Variants in CAMK2B observed in about 807,000 individuals in gnomAD.
CAMK2B encodes the protein calcium/calmodulin-dependent protein kinase type II subunit beta.
In CAMK2B, 27 loss-of-function variants were observed where a neutral mutation model predicts 93.7. The ratio of observed to expected loss-of-function variants is 0.29; its 90% confidence interval spans 0.21 to 0.40. The LOEUF is 0.40. Among genes scored for constraint, CAMK2B ranks in the 10% least tolerant of loss-of-function variants. The probability of loss-of-function intolerance (pLI) is 1.00; values close to 1 mark genes in which losing one functional copy is unlikely to be tolerated. For missense variants in CAMK2B, 568 were observed against 895.8 expected (o/e 0.63, Z 4.67); for synonymous variants, 374 against 358.8 (o/e 1.04, Z -0.48).
At chr7:44,261,158 G>A (rs894977391) in intron 3 of CAMK2B, among the ~76,000 whole-genome samples, 8 of 152,242 alleles carry the variant, frequency 5.3e-5, no homozygotes, top group Non-Finnish European at 4.4e-5. Context: ...GCCCACCAAC[G>A]TCCTGCTTCT....
rs1210182219 is a variant in CAMK2B, at chr7:44,255,726, G to A, written c.276-1119C>T. Among the ~76,000 whole-genome samples, 5 of 152,304 alleles carry A rather than the reference G, an allele frequency of 3.3e-5. No individual in the cohort carries two copies. In the East Asian group the frequency reaches 7.7e-4, roughly 24 times the overall value. ...AGCACTTGGGGCTGGGCTGGTCCATGGCAGGGAAGACCCAGGGAGTGGATC... is the reference window on the plus strand; with the variant it reads ...AGCACTTGGGGCTGGGCTGGTCCATAGCAGGGAAGACCCAGGGAGTGGATC... On this transcript the variant is annotated intron_variant, in intron 4 of 23. Coordinates refer to ENST00000395749, the MANE Select transcript of CAMK2B (RefSeq NM_001220.5).
At chr7:44,280,188 C>A (rs547614770) in intron 2 of CAMK2B, among the ~76,000 whole-genome samples, 1 of 152,180 alleles carries the variant, frequency 6.6e-6, no homozygotes, top group African/African-American at 2.4e-5. Context: ...TCTGACATGC[C>A]CCATGGTCCC....
intron 2 of CAMK2B, among the ~76,000 whole-genome samples, chr7:44,276,588 T>TC (rs1484128031): frequency 6.6e-6 from 1 of 151,484 alleles, no homozygotes; most frequent in Non-Finnish European, 1.5e-5. Flanking sequence ...GCAGGGAGTG[T>TC]CCCCCCAAGA....
rs193114221 is a variant in CAMK2B, at chr7:44,248,635, G to C, written c.342-1443C>G. On this transcript the variant is annotated intron_variant, in intron 5 of 23. Transcript: ENST00000395749. This position sits in a 1 kb window ranked among gnomAD's most constrained non-coding sequence, Gnocchi z 4.1. ...CCTTGGGGACAGGAGGGTGACCAGG[G>C]TCAGCAAGATGAGTGGGCTTTGTTT... Among the ~76,000 whole-genome samples the C allele has an allele frequency of 6.6e-6, 1 of 152,226 alleles. No homozygotes were observed. The highest frequency in any genetic ancestry group is 2.1e-4 in the South Asian group (1 of 4,832).
Position 44,234,652 on chromosome 7 carries a change from G to T in CAMK2B, c.1046C>A (p.Ala349Glu). 6.2e-7 allele frequency: 1 copy of T among 1,614,094 alleles called. No homozygotes were observed. The highest frequency in any genetic ancestry group is 8.5e-7 in the Non-Finnish European group (1 of 1,179,954). ...CTGGAGCCTCACCTTGACTCCATCT[G>T]CTTTCTTGTTGAGTAAACTCTTGGC... The part of the protein sequence containing the change: ...EQAKSLLNKK[A>E]DGVKPQTNST... Residue 349 changes from alanine (A) to glutamate (E), a missense_variant, in exon 14 of 24, where the codon GCA (alanine) becomes GAA (glutamate). Physicochemically the swap from Ala to Glu is moderately radical, Grantham distance 107. Coordinates refer to ENST00000395749, the MANE Select transcript of CAMK2B (RefSeq NM_001220.5).
intron 1 of CAMK2B, among the ~76,000 whole-genome samples, chr7:44,306,055 G>A (rs1019615075): frequency 6.6e-6 from 1 of 152,124 alleles, no homozygotes; most frequent in Admixed American, 6.5e-5. Context: ...AGGGAGGGGG[G>A]TTGAGGGTCA....
chr7:44,239,263 C>T (rs1390308187), intron 13 of CAMK2B, among the ~76,000 whole-genome samples: 1 of 70,460 alleles, frequency 1.4e-5, no homozygotes, highest in Non-Finnish European at 2.7e-5. Context: ...GCAGCAGGCC[C>T]AGTGGCTCCC....
Position 44,325,378 on chromosome 7 carries a change from T to C in CAMK2B, c.44A>G (p.Gln15Arg). The C allele has an allele frequency of 8.1e-7, 1 of 1,235,478 alleles. No homozygotes were observed. Among genetic ancestry groups the C allele is most frequent in the Non-Finnish European group, 1.0e-6 (1 of 960,300 alleles). The allele number at this position is 1,235,478 out of a possible 1,614,324, so 76.5% of individuals were successfully genotyped here. Residue 15 changes from glutamine (Q) to arginine (R), a missense_variant, in exon 1 of 24, where the codon CAG becomes CGG. Around this residue, in one of 4 missense-constraint regions of CAMK2B, gnomAD observed 39 missense variants for 43.4 expected, o/e 0.90. Coordinates refer to ENST00000395749, the MANE Select transcript of CAMK2B (RefSeq NM_001220.5). The part of the protein sequence containing the change: ...VTCTRFTDEY[Q>R]LYEDIGKGAF... Reference sequence around the variant, plus strand: ...TTACTTGCCAATATCCTCGTAGAGCTGGTACTCGTCGGTGAAGCGGGTGCA... The same window carrying C: ...TTACTTGCCAATATCCTCGTAGAGCCGGTACTCGTCGGTGAAGCGGGTGCA...
At chr7:44,230,011 T>G (rs1301260626) in intron 17 of CAMK2B, 2 of 152,536 alleles carry the variant, frequency 1.3e-5, no homozygotes, top group African/African-American at 4.8e-5. Flanking sequence ...GAGCCACAGC[T>G]GCTGGCTTCT....
intron 1 of CAMK2B, among the ~76,000 whole-genome samples, chr7:44,301,755 G>A (rs1220921732): frequency 6.6e-6 from 1 of 151,442 alleles, no homozygotes. Context: ...CCAGCCTGGT[G>A]ACAGAGCAAG....
intron 1 of CAMK2B, among the ~76,000 whole-genome samples, chr7:44,292,285 A>C (rs900675121): frequency 2.0e-5 from 3 of 152,128 alleles, no homozygotes; most frequent in Admixed American, 6.5e-5. Flanking sequence ...TCATATCTCC[A>C]ATATGACCTC....
chr7:44,228,895 C>T lies in CAMK2B; in HGVS notation c.1369G>A (p.Val457Met), dbSNP rs755307162. 6 of 1,605,408 alleles carry T rather than the reference C, an allele frequency of 3.7e-6. No individual in the cohort carries two copies. The Admixed American group carries it at 1.0e-4, about 27-fold the overall frequency. Residue 457 changes from valine to methionine, a missense_variant, in exon 19 of 24, where the codon GTG becomes ATG. This residue lies in a region of CAMK2B where 308 missense variants were observed against 292.1 expected (regional missense o/e 1.05). Transcript: ENST00000395749. ...TCTGGGGTTCCTGAACCCCTTCTCA[C>T]AGAGTTCAGGATGTCAGAGATCCTG... ...SPRISDILNS[V>M]RRGSGTPEAE... is the part of the protein sequence containing the mutation.
At chr7:44,230,522 G>A (rs1303864314) in intron 17 of CAMK2B, among the ~76,000 whole-genome samples, 1 of 152,176 alleles carries the variant, frequency 6.6e-6, no homozygotes, top group Non-Finnish European at 1.5e-5. Context: ...AGCAAGGGAG[G>A]GGGCCCTGGA....
At chr7:44,295,776 C>T (rs577652923) in intron 1 of CAMK2B, among the ~76,000 whole-genome samples, 5 of 152,290 alleles carry the variant, frequency 3.3e-5, no homozygotes, top group African/African-American at 1.2e-4. Flanking sequence ...TACAGCCCAA[C>T]CTGCTGGGGC....
At chr7:44,232,943 G>A in intron 15 of CAMK2B, 77 bp from the exon 16 acceptor site, 1 of 1,311,322 alleles carries the variant, frequency 7.6e-7, no homozygotes, top group South Asian at 1.2e-5. Context: ...CACCAGGAGG[G>A]GAACAGGGAG....
chr7:44,254,043 G>A (rs2096808018), intron 5 of CAMK2B, among the ~76,000 whole-genome samples: 1 of 152,108 alleles, frequency 6.6e-6, no homozygotes, highest in African/African-American at 2.4e-5. Context: ...GTGTCAGGGT[G>A]GCATCTGGCC....
At chr7:44,255,220 G>A (rs1011352029) in intron 4 of CAMK2B, among the ~76,000 whole-genome samples, 7 of 152,318 alleles carry the variant, frequency 4.6e-5, no homozygotes, top group African/African-American at 1.7e-4. Context: ...ACAGGCAGAA[G>A]GGAGGTCTCT....
intron 12 of CAMK2B, 87 bp downstream of exon 12, chr7:44,240,620 G>A (rs1243181299): frequency 6.9e-7 from 1 of 1,442,552 alleles, no homozygotes; most frequent in Non-Finnish European, 9.7e-7. Context: ...GAGGAGGAGT[G>A]GAGAGGCTGG....
chr7:44,284,582 G>C (rs182586626), intron 1 of CAMK2B, among the ~76,000 whole-genome samples: 1 of 152,352 alleles, frequency 6.6e-6, no homozygotes, highest in Admixed American at 6.5e-5. Context: ...GTATCCTTGT[G>C]GGTCGGCTGG....
Sources: gnomAD v4.1 joint callset for allele counts (sites outside exome capture counted in the v4.1 genomes callset) on GRCh38, gnomAD v4.1.1 for gene constraint, gnomAD v4.1.1 regional missense constraint, Gnocchi (gnomAD v3.1) non-coding constraint, MANE v1.5 for transcripts, NCBI Gene and HGNC (gene_info 2026-07-23, HGNC 2026-07-21) for gene names.